The following TBC1D17 variants were observed in gnomAD, a reference collection of about 807,000 sequenced individuals.
TBC1D17 encodes TBC1 domain family member 17.
A neutral mutation model predicts 78.8 loss-of-function variants in TBC1D17; 69 were observed. The ratio of observed to expected loss-of-function variants is 0.88; its 90% CI spans 0.72 to 1.07. The LOEUF (loss-of-function observed/expected upper bound fraction) is 1.07. Among genes scored for constraint, TBC1D17 ranks in the 50% least tolerant of loss-of-function variants. The pLI, the probability that TBC1D17 is intolerant of heterozygous loss-of-function variation, is 0.00. For missense variants in TBC1D17, 957 were observed against 861.0 expected, an observed-to-expected ratio of 1.11 and a Z score of -1.39; for synonymous variants, 456 against 358.3, an observed-to-expected ratio of 1.27 and a Z score of -3.08.
intron 15 of TBC1D17, 156 bp downstream of exon 15, chr19:49,887,990 C>T (rs1336409383): frequency 7.7e-6 from 7 of 905,870 alleles, no homozygotes; most frequent in African/African-American, 1.7e-5. Context: ...TTCCCTTCTG[C>T]CCCATGCCAT....
At chr19:49,882,480 T>G in intron 7 of TBC1D17, 80 bp downstream of exon 7, 2 of 1,541,932 alleles carry the variant, frequency 1.3e-6, no homozygotes. Flanking sequence ...GGGCCTCAGT[T>G]TCCTCTTTGG....
chr19:49,878,623 T>G (rs1354953868), intron 3 of TBC1D17, 51 bp downstream of exon 3: 1 of 1,572,778 alleles, frequency 6.4e-7, no homozygotes. Flanking sequence ...TCTAGGTCCG[T>G]GCTGTTGTAA....
intron 4 of TBC1D17, among the ~76,000 whole-genome samples, 189 bp downstream of exon 4, chr19:49,880,591 G>A (rs2075004511): frequency 6.6e-6 from 1 of 152,394 alleles, no homozygotes; most frequent in Middle Eastern, 3.4e-3. Flanking sequence ...AACATGGCCA[G>A]TGTCTCTGAG....
chr19:49,887,964 G>A (rs1465034513), intron 15 of TBC1D17, 130 bp downstream of exon 15: 2 of 931,566 alleles, frequency 2.1e-6, no homozygotes, highest in Admixed American at 5.1e-5. Flanking sequence ...CGCAGTGGGG[G>A]TGGGGCCGCG....
intron 7 of TBC1D17, 39 bp from the exon 8 acceptor site, chr19:49,882,725 C>T: frequency 6.7e-7 from 1 of 1,491,898 alleles, no homozygotes; most frequent in Non-Finnish European, 8.9e-7. Flanking sequence ...CCCCCCACCA[C>T]CCCGCCGAGC....
At chr19:49,877,911 C>T (rs2074970648) in intron 1 of TBC1D17, 167 bp downstream of exon 1, 4 of 858,896 alleles carry the variant, frequency 4.7e-6, no homozygotes, top group Non-Finnish European at 7.1e-6. Context: ...CAGGGAAGAA[C>T]CTCCCATGGC....
At position 49,884,470 on chromosome 19, in the gene TBC1D17, G is replaced by A. The variant is rs958051589; in HGVS notation, c.1255G>A (p.Gly419Ser). ...CCATGTCCCCCCAGGCTACGTCCAG[G>A]GCATGAGTGATCTTCTCTCCCCGAT... ...MYHFDLGYVQ[G>S]MSDLLSPILY... The change falls in exon 12 of 17, where the codon GGC (glycine) becomes AGC (serine). Residue 419 changes from glycine (G) to serine (S), a missense_variant. Transcript: ENST00000221543. 3.7e-6 allele frequency: 6 copies of A among 1,614,146 alleles called. No homozygotes were observed. Among genetic ancestry groups the A allele is most frequent in the Non-Finnish European group, 5.1e-6 (6 of 1,180,010 alleles).
intron 3 of TBC1D17, chr19:49,879,603 GTTTTTTT>G (rs60597315): frequency 7.2e-6 from 1 of 139,236 alleles, no homozygotes; most frequent in Non-Finnish European, 1.6e-5. Flanking sequence ...TGTTGTTATT[GTTTTTTT>G]TTTTTTTTTT....
At chr19:49,880,792 T>C (rs568086290) in intron 4 of TBC1D17, among the ~76,000 whole-genome samples, 2 of 152,234 alleles carry the variant, frequency 1.3e-5, no homozygotes, top group South Asian at 4.1e-4. Context: ...GAATGGAGAT[T>C]CCTTCCAGGA....
rs751658670 is a variant in TBC1D17 at position 49,882,963 on chromosome 19, G to A, written c.928-10G>A. The stretch of plus-strand genomic sequence containing the variant: ...GCCCCACTGAGCTGCCTGCCCTCCT[G>A]CACCCCCAGGGTCTGAGCCCCAGCC... On this transcript the variant is annotated splice_polypyrimidine_tract_variant and intron_variant, in intron 8 of 16. Coordinates refer to ENST00000221543, the MANE Select transcript of TBC1D17 (RefSeq NM_024682.3). 1 of 1,603,768 alleles carries A rather than the reference G, an allele frequency of 6.2e-7. No individual in the cohort carries two copies. Among genetic ancestry groups the A allele is most frequent in the Non-Finnish European group, 8.5e-7 (1 of 1,174,358 alleles).
At chr19:49,878,678 C>A in intron 3 of TBC1D17, 106 bp downstream of exon 3, 2 of 1,069,980 alleles carry the variant, frequency 1.9e-6, no homozygotes, top group Non-Finnish European at 2.8e-6. Context: ...ACTCGTGGGG[C>A]ATGTGTGACC....
At position 49,884,575 on chromosome 19, in the gene TBC1D17, G is replaced by T. The variant is rs71353343; in HGVS notation, c.1344+16G>T. On this transcript the variant is annotated intron_variant, in intron 12 of 16. Transcript: ENST00000221543. ...GGAGCTCGTGGTGAGGCTTGGGTCA[G>T]GGGTGGGACACAGGCCTATCGAGCG... 2 of 1,613,932 alleles carry T rather than the reference G, an allele frequency of 1.2e-6. No individual in the cohort carries two copies. Among genetic ancestry groups the T allele is most frequent in the African/African-American group, 2.7e-5 (2 of 74,936 alleles).
Position 49,878,258 on chromosome 19 carries a change from CAGG to C in TBC1D17, c.120+18_120+20del. On this transcript the variant is annotated intron_variant, in intron 2 of 16. Transcript: ENST00000221543. ...GTGGAAAAGGTGCGCTGGGAGGGAG[CAGG>C]GCTCGGACCCGCTCCGAGCGGGATG... is the stretch of plus-strand genomic sequence containing the variant. 6.4e-7 allele frequency: 1 copy of C among 1,552,628 alleles called. No homozygotes were observed.
intron 3 of TBC1D17, chr19:49,879,235 C>T (rs945611208): frequency 6.6e-6 from 1 of 152,364 alleles, no homozygotes; most frequent in African/African-American, 2.4e-5. Flanking sequence ...GAACAACCTT[C>T]AAGGCACACG....
At chr19:49,877,844 G>A (rs1326091927) in intron 1 of TBC1D17, 100 bp downstream of exon 1, 7 of 1,413,900 alleles carry the variant, frequency 5.0e-6, no homozygotes, top group Admixed American at 2.3e-5. Context: ...AATCCGGCAC[G>A]GCCTTGGCAA....
rs778027067 is a variant in TBC1D17 at position 49,883,067 on chromosome 19, G to T, written c.1022G>T (p.Arg341Leu). Residue 341 changes from arginine to leucine, a missense_variant, in exon 9 of 17, where the codon CGC (arginine) becomes CTC (leucine). Physicochemically the swap from Arg to Leu is moderately radical, Grantham distance 102. Transcript: ENST00000221543. Reference sequence around the variant, plus strand: ...GCTGAGGAGCACAAGGCCCACATACGCAAGAAAACGTGAGTTCTCAGGAGG... The same window carrying T: ...GCTGAGGAGCACAAGGCCCACATACTCAAGAAAACGTGAGTTCTCAGGAGG... ...GTAEEHKAHI[R>L]KKTDEYFRMK... The T allele has an allele frequency of 1.2e-6, 2 of 1,606,226 alleles. No homozygotes were observed. Among genetic ancestry groups the T allele is most frequent in the Non-Finnish European group, 1.7e-6 (2 of 1,175,832 alleles).
intron 1 of TBC1D17, 130 bp from the exon 2 acceptor site, chr19:49,878,013 T>C (rs946591021): frequency 1.2e-6 from 1 of 811,802 alleles, no homozygotes; most frequent in African/African-American, 1.8e-5. Flanking sequence ...TCTCCCCGCC[T>C]TGGTCCCGGG....
chr19:49,882,410 G>A lies in TBC1D17; in HGVS notation c.798+10G>A. 1 of 1,595,202 alleles carries A rather than the reference G, an allele frequency of 6.3e-7. No homozygotes were observed. Among genetic ancestry groups the A allele is most frequent in the Non-Finnish European group, 8.5e-7 (1 of 1,172,882 alleles). On this transcript the variant is annotated intron_variant, in intron 7 of 16. Coordinates refer to ENST00000221543, the MANE Select transcript of TBC1D17 (RefSeq NM_024682.3). The stretch of plus-strand genomic sequence containing the variant: ...CGAGGTCATTTCCTGTGTGAGTAGT[G>A]AGTGGACCCTCCCTGTTATTTCTGG...
Position 49,887,869 on chromosome 19 carries a change from C to T in TBC1D17, c.1659+35C>T, listed in dbSNP as rs1391124617. On this transcript the variant is annotated intron_variant, in intron 15 of 16. Transcript: ENST00000221543. ...CGGCCCCGCCCCCGCCCTGTCCCCC[C>T]TGAGCTGGGCGCTGCCCAGGGCCGC... 3.2e-6 allele frequency: 5 copies of T among 1,539,804 alleles called. No homozygotes were observed. In the East Asian group the frequency reaches 6.8e-5, roughly 21 times the overall value.
Sources: gnomAD v4.1 joint callset for allele counts (sites outside exome capture counted in the v4.1 genomes callset) on GRCh38, gnomAD v4.1.1 for gene constraint, MANE v1.5 for transcripts, NCBI Gene and HGNC (gene_info 2026-07-23, HGNC 2026-07-21) for gene names.